SLC35F3: variants seen among roughly 807,000 people sequenced by gnomAD.
SLC35F3 encodes putative thiamine transporter SLC35F3.
A neutral mutation model predicts 49.9 loss-of-function variants in SLC35F3; 25 were observed. The observed-to-expected ratio is 0.50, with a 90% CI of 0.37 to 0.70. The LOEUF is 0.70. Ranked by LOEUF, SLC35F3 falls within the 30% of genes least tolerant of loss-of-function variation. The probability of loss-of-function intolerance (pLI) is 0.00; values close to 1 mark genes in which losing one functional copy is unlikely to be tolerated. For synonymous variants in SLC35F3, 275 were observed against 265.4 expected (o/e 1.04, Z -0.35); for missense variants, 525 against 639.8 (o/e 0.82, Z 1.94).
At chr1:234,065,142 T>G (rs926099211) in intron 2 of SLC35F3, among the ~76,000 whole-genome samples, 1 of 150,844 alleles carries the variant, frequency 6.6e-6, no homozygotes, top group Admixed American at 6.7e-5. Context: ...TGAGATCTAC[T>G]GATCAAACAC....
chr1:234,088,463 CTCCCAA>C (rs1415133699), intron 2 of SLC35F3, among the ~76,000 whole-genome samples: 2 of 152,184 alleles, frequency 1.3e-5, no homozygotes, highest in Non-Finnish European at 2.9e-5. Context: ...CCACCTCGGC[CTCCCAA>C]AGTGCTGGGA....
chr1:234,083,916 C>T (rs1348307121), intron 2 of SLC35F3, among the ~76,000 whole-genome samples: 1 of 151,324 alleles, frequency 6.6e-6, no homozygotes, highest in Non-Finnish European at 1.5e-5. Context: ...CGGCTCACCA[C>T]AACCTCCGCC....
At chr1:234,029,957 T>C (rs1664034701) in intron 2 of SLC35F3, among the ~76,000 whole-genome samples, 1 of 152,194 alleles carries the variant, frequency 6.6e-6, no homozygotes, top group Non-Finnish European at 1.5e-5. Flanking sequence ...TCAGAATTAG[T>C]TTTTCTGCCA....
At chr1:234,171,617 T>C (rs1308379842) in intron 2 of SLC35F3, among the ~76,000 whole-genome samples, 1 of 152,066 alleles carries the variant, frequency 6.6e-6, no homozygotes, top group African/African-American at 2.4e-5. Context: ...ATACTTATCA[T>C]CAGAGAGTTG....
intron 5 of SLC35F3, among the ~76,000 whole-genome samples, chr1:234,317,640 C>T (rs1027198475): frequency 2.0e-5 from 3 of 152,138 alleles, no homozygotes; most frequent in Admixed American, 2.0e-4. Flanking sequence ...AATGAAATAA[C>T]TCAGCCTTAT....
At chr1:233,937,043 C>T (rs1662346435) in intron 2 of SLC35F3, among the ~76,000 whole-genome samples, 1 of 152,162 alleles carries the variant, frequency 6.6e-6, no homozygotes, top group South Asian at 2.1e-4. Flanking sequence ...ACTTGCCAGT[C>T]AGCATTTTAC....
At chr1:234,187,841 G>A (rs891547266) in intron 2 of SLC35F3, among the ~76,000 whole-genome samples, 3 of 152,206 alleles carry the variant, frequency 2.0e-5, no homozygotes, top group African/African-American at 7.2e-5. Context: ...AGACTACAGG[G>A]AGAAGGAAAC....
chr1:234,015,536 G>C (rs1005438061), intron 2 of SLC35F3, among the ~76,000 whole-genome samples: 1 of 152,056 alleles, frequency 6.6e-6, no homozygotes, highest in East Asian at 1.9e-4. Flanking sequence ...TTCAACAAAG[G>C]TGCCAAGAAC....
chr1:233,997,077 G>T (rs867949032), intron 2 of SLC35F3, among the ~76,000 whole-genome samples: 1 of 152,122 alleles, frequency 6.6e-6, no homozygotes, highest in Non-Finnish European at 1.5e-5. Context: ...TGTCACAAAT[G>T]ACAGGATTTC....
At chr1:234,255,659 C>T (rs1440947935) in intron 3 of SLC35F3, among the ~76,000 whole-genome samples, 1 of 152,130 alleles carries the variant, frequency 6.6e-6, no homozygotes, top group East Asian at 1.9e-4. Context: ...TGAAAGAAGC[C>T]AGTCTGAAAA....
intron 2 of SLC35F3, among the ~76,000 whole-genome samples, chr1:234,078,398 C>T (rs2102871494): frequency 6.6e-6 from 1 of 152,254 alleles, no homozygotes; most frequent in East Asian, 1.9e-4. Flanking sequence ...GCATGTTATT[C>T]CACCAAATCT....
At chr1:234,145,170 G>T (rs918933777) in intron 2 of SLC35F3, among the ~76,000 whole-genome samples, 1 of 152,162 alleles carries the variant, frequency 6.6e-6, no homozygotes, top group Admixed American at 6.5e-5. Flanking sequence ...TACCAGTTTT[G>T]AAGTTTTTAC....
At chr1:234,298,942 C>T (rs1668648782) in intron 3 of SLC35F3, among the ~76,000 whole-genome samples, 1 of 152,230 alleles carries the variant, frequency 6.6e-6, no homozygotes, top group Admixed American at 6.5e-5. Context: ...GGCAGCCATA[C>T]ATTTGCTGGT....
chr1:234,292,663 A>G (rs1668528047), intron 3 of SLC35F3, among the ~76,000 whole-genome samples: 2 of 152,214 alleles, frequency 1.3e-5, no homozygotes, highest in Non-Finnish European at 2.9e-5. Flanking sequence ...CCTGGGGCTC[A>G]TACTAGGGTG....
At chr1:234,207,276 G>C (rs1403521983) in intron 2 of SLC35F3, among the ~76,000 whole-genome samples, 1 of 144,738 alleles carries the variant, frequency 6.9e-6, no homozygotes, top group Non-Finnish European at 1.5e-5. Context: ...ATCACTCCTG[G>C]TGCCATGCAG....
intron 2 of SLC35F3, among the ~76,000 whole-genome samples, chr1:234,148,280 C>T (rs570311887): frequency 3.3e-5 from 5 of 152,312 alleles, no homozygotes; most frequent in Admixed American, 6.5e-5. Context: ...CTTATCCACA[C>T]GCACTCAAGA....
At chr1:234,124,440 C>T (rs1180660993) in intron 2 of SLC35F3, among the ~76,000 whole-genome samples, 1 of 152,174 alleles carries the variant, frequency 6.6e-6, no homozygotes, top group Non-Finnish European at 1.5e-5. Flanking sequence ...CCTCTTCCTC[C>T]ACCAACCCAA....
chr1:234,085,350 C>T (rs972615756), intron 2 of SLC35F3, among the ~76,000 whole-genome samples: 1 of 152,214 alleles, frequency 6.6e-6, no homozygotes, highest in African/African-American at 2.4e-5. Flanking sequence ...AATTAAAAAT[C>T]ACCCATGCCT....
rs559307085 is a variant in SLC35F3 at position 234,219,700 on chromosome 1, G to A, written c.284-11717G>A. Among the ~76,000 whole-genome samples, 24 of 152,246 alleles carry A rather than the reference G, an allele frequency of 1.6e-4. No homozygotes were observed. The South Asian group carries it at 3.7e-3, about 24-fold the overall frequency. ...GCTTGCCGTCATTACCCCCTTCTTC[G>A]CCAAAATGACCTGATCTGACAGGAT... On this transcript the variant is annotated intron_variant, in intron 2 of 7. Transcript: ENST00000366618.
Sources: gnomAD v4.1 joint callset for allele counts (sites outside exome capture counted in the v4.1 genomes callset) on GRCh38, gnomAD v4.1.1 for gene constraint, MANE v1.5 for transcripts, NCBI Gene and HGNC (gene_info 2026-07-23, HGNC 2026-07-21) for gene names.